Variants in KRCC1 observed in about 807,000 individuals in gnomAD.
KRCC1 encodes the protein lysine-rich coiled-coil protein 1.
Under a neutral mutation model 7.4 loss-of-function variants are expected in KRCC1, and 3 were observed. That is an observed-to-expected ratio of 0.40 (90% CI 0.18 to 1.04). The LOEUF is 1.04. KRCC1 is among the 50% of genes least tolerant of loss of function. The pLI is 0.33. For synonymous variants in KRCC1, 102 were observed against 101.6 expected, an observed-to-expected ratio of 1.00 and a Z score of -0.02; for missense variants, 277 against 300.9, an observed-to-expected ratio of 0.92 and a Z score of 0.59.
chr2:88,028,784 G>A (rs762987476), intron 3 of KRCC1, among the ~76,000 whole-genome samples, 199 bp from the exon 4 acceptor site: 15 of 151,566 alleles, frequency 9.9e-5, no homozygotes, highest in African/African-American at 3.6e-4. Flanking sequence ...CCGAGTAGCT[G>A]GGATTACAGG....
At chr2:88,046,856 C>T (rs866713934) in intron 1 of KRCC1, among the ~76,000 whole-genome samples, 4 of 151,866 alleles carry the variant, frequency 2.6e-5, no homozygotes, top group African/African-American at 9.7e-5. Flanking sequence ...ATTTTTTTTG[C>T]AGACATGAGG....
intron 1 of KRCC1, among the ~76,000 whole-genome samples, chr2:88,047,927 G>A (rs1673378375): frequency 6.6e-6 from 1 of 152,152 alleles, no homozygotes; most frequent in African/African-American, 2.4e-5. Context: ...TATTTTAGGT[G>A]TCAGTAGCTT....
intron 1 of KRCC1, among the ~76,000 whole-genome samples, chr2:88,041,888 GTCA>G (rs778122067): frequency 1.1e-3 from 162 of 152,014 alleles, no homozygotes; most frequent in Non-Finnish European, 2.0e-3. Flanking sequence ...TTTTTAAATA[GTCA>G]TCATATTATT....
chr2:88,035,336 G>A (rs1673071440), intron 2 of KRCC1, among the ~76,000 whole-genome samples: 1 of 152,266 alleles, frequency 6.6e-6, no homozygotes, highest in Non-Finnish European at 1.5e-5. Flanking sequence ...GCAAGATGTA[G>A]CCATGTGAAT....
chr2:88,031,790 T>C (rs1672997558), intron 3 of KRCC1, among the ~76,000 whole-genome samples: 1 of 151,936 alleles, frequency 6.6e-6, no homozygotes, highest in South Asian at 2.1e-4. Context: ...GTTTATAAAG[T>C]GAAAAAATTA....
intron 1 of KRCC1, among the ~76,000 whole-genome samples, chr2:88,041,803 A>G (rs1487945864): frequency 6.6e-6 from 1 of 152,222 alleles, no homozygotes; most frequent in African/African-American, 2.4e-5. Flanking sequence ...ATTGTTGTGG[A>G]GTAAAGTGAA....
chr2:88,054,413 T>C (rs1469915086), intron 1 of KRCC1, among the ~76,000 whole-genome samples: 1 of 152,210 alleles, frequency 6.6e-6, no homozygotes, highest in Non-Finnish European at 1.5e-5. Flanking sequence ...TCCTCCTCTG[T>C]TCCTTTGAGA....
At chr2:88,030,787 T>G (rs1672977053) in intron 3 of KRCC1, among the ~76,000 whole-genome samples, 1 of 152,218 alleles carries the variant, frequency 6.6e-6, no homozygotes. Flanking sequence ...TTATTCTACT[T>G]CTAGGTATTT....
chr2:88,027,354 G>A lies in KRCC1; in HGVS notation c.*430C>T, dbSNP rs1672886869. 1 of 156,446 alleles carries A rather than the reference G, an allele frequency of 6.4e-6. No homozygotes were observed. Among genetic ancestry groups the A allele is most frequent in the South Asian group, 2.0e-4 (1 of 5,006 alleles). The allele number at this position is 156,446 out of a possible 1,614,324, so 9.7% of individuals were successfully genotyped here. Reference sequence around the variant, plus strand: ...AGCCTAGAAAATACACTGCAAGTTAGATCTAATAAAGGAGAAAAAAATTGC... The same window carrying A: ...AGCCTAGAAAATACACTGCAAGTTAAATCTAATAAAGGAGAAAAAAATTGC... On this transcript the variant is annotated 3_prime_UTR_variant, in exon 4 of 4. Coordinates refer to ENST00000347055, the MANE Select transcript of KRCC1 (RefSeq NM_016618.3).
chr2:88,037,157 C>A (rs569979585), intron 1 of KRCC1, 106 bp from the exon 2 acceptor site: 1 of 152,118 alleles, frequency 6.6e-6, no homozygotes. Context: ...TCTTAATTTT[C>A]TGAGTGCTTG....
chr2:88,053,404 T>C (rs1291655299), intron 1 of KRCC1, among the ~76,000 whole-genome samples: 2 of 152,246 alleles, frequency 1.3e-5, no homozygotes, highest in Admixed American at 1.3e-4. Flanking sequence ...AAACACATGC[T>C]GAGTCTGCCA....
intron 3 of KRCC1, among the ~76,000 whole-genome samples, chr2:88,030,848 C>T (rs1388779203): frequency 6.6e-6 from 1 of 152,098 alleles, no homozygotes; most frequent in Non-Finnish European, 1.5e-5. Context: ...ATCTTTTGGT[C>T]AACAATGGAC....
chr2:88,049,877 A>G (rs1272166728), intron 1 of KRCC1, among the ~76,000 whole-genome samples: 1 of 152,254 alleles, frequency 6.6e-6, no homozygotes, highest in African/African-American at 2.4e-5. Flanking sequence ...CTACATTAAC[A>G]TAATGTGCTC....
At chr2:88,050,745 T>C (rs968598582) in intron 1 of KRCC1, among the ~76,000 whole-genome samples, 3 of 152,236 alleles carry the variant, frequency 2.0e-5, no homozygotes, top group Admixed American at 6.5e-5. Flanking sequence ...TCAAAAGTGT[T>C]TGAGAAACTT....
chr2:88,041,685 T>C (rs1012114449), intron 1 of KRCC1, among the ~76,000 whole-genome samples: 3 of 152,198 alleles, frequency 2.0e-5, no homozygotes, highest in Admixed American at 6.5e-5. Context: ...TAGAAATCTT[T>C]CCTCAGAAAA....
At chr2:88,050,613 C>T (rs1465266814) in intron 1 of KRCC1, among the ~76,000 whole-genome samples, 2 of 152,024 alleles carry the variant, frequency 1.3e-5, no homozygotes, top group South Asian at 2.1e-4. Context: ...ACAGAGACTC[C>T]GTCTCAAAAA....
rs547568238 is a variant in KRCC1, at chr2:88,054,049, C to T, written c.-291+1577G>A. 4.6e-5 allele frequency among the ~76,000 whole-genome samples: 7 copies of T among 152,290 alleles called. No homozygotes were observed. In the East Asian group the frequency reaches 1.2e-3, roughly 25 times the overall value. On this transcript the variant is annotated intron_variant, in intron 1 of 3. Transcript: ENST00000347055. ...AAATCATTCCCAAAACTGCTTTAAG[C>T]CTTATCTCATGATTTGCAACCAGCA...
At chr2:88,046,287 C>A (rs1673332269) in intron 1 of KRCC1, among the ~76,000 whole-genome samples, 1 of 152,184 alleles carries the variant, frequency 6.6e-6, no homozygotes, top group Non-Finnish European at 1.5e-5. Flanking sequence ...AGCTTCTTAA[C>A]CTCTCCGCCT....
Position 88,042,339 on chromosome 2 carries a change from C to T in KRCC1, c.-290-5288G>A, listed in dbSNP as rs1199639209. Among the ~76,000 whole-genome samples the T allele has an allele frequency of 6.6e-5, 10 of 152,156 alleles. No individual in the cohort carries two copies. In the East Asian group the frequency reaches 7.7e-4, roughly 12 times the overall value. On this transcript the variant is annotated intron_variant, in intron 1 of 3. Coordinates refer to ENST00000347055, the MANE Select transcript of KRCC1 (RefSeq NM_016618.3). ...AATCCCAAAGTCCTGGGATTACAGG[C>T]GTGAGCCACTGCACCCGGCCTAGAC...
Sources: allele counts gnomAD v4.1 joint callset (sites outside exome capture counted in the v4.1 genomes callset), GRCh38; gene constraint gnomAD v4.1.1; transcripts MANE v1.5; gene names NCBI Gene and HGNC (gene_info 2026-07-23, HGNC 2026-07-21).